Variants in KASH5 observed in about 807,000 individuals in gnomAD.
The protein encoded by KASH5 is KASH domain containing 5.
A neutral mutation model predicts 84.2 loss-of-function variants in KASH5; 72 were observed. The observed-to-expected ratio is 0.85, with a 90% CI of 0.71 to 1.04. The LOEUF (loss-of-function observed/expected upper bound fraction) is 1.04. Ranked by LOEUF, KASH5 falls within the 50% of genes least tolerant of loss-of-function variation. The pLI is 0.00. For synonymous variants in KASH5, 260 were observed against 279.1 expected (o/e 0.93, Z 0.68); for missense variants, 650 against 701.0 (o/e 0.93, Z 0.82).
chr19:49,413,078 G>A, intron 16 of KASH5, 52 bp downstream of exon 16: 1 of 1,552,752 alleles, frequency 6.4e-7, no homozygotes, highest in East Asian at 2.2e-5. Flanking sequence ...ATTCACAGCT[G>A]TTTACAGTAG....
chr19:49,416,971 G>T lies in KASH5; in HGVS notation c.1375-44G>T, dbSNP rs1298473785. On this transcript the variant is annotated intron_variant, in intron 17 of 19. Coordinates refer to ENST00000447857, the MANE Select transcript of KASH5 (RefSeq NM_144688.5). This position sits in a 1 kb window ranked among gnomAD's most constrained non-coding sequence, Gnocchi z 5.4. ...AGTGGGCTGACCTGAGCACCTCTCA[G>T]TCCAGAACCCGGTGCCTCCAACGCA... The T allele has an allele frequency of 4.5e-6, 7 of 1,550,802 alleles. No individual in the cohort carries two copies. Among genetic ancestry groups the T allele is most frequent in the Middle Eastern group, 2.3e-4 (1 of 4,392 alleles).
At chr19:49,407,195 G>T (rs1276433243) in intron 10 of KASH5, 45 bp from the exon 11 acceptor site, 1 of 1,602,846 alleles carries the variant, frequency 6.2e-7, no homozygotes, top group East Asian at 2.2e-5. Context: ...GGACCAAGGG[G>T]AGTCCTGGGA....
At chr19:49,396,243 C>CTTTTTTGTT (rs1974174461) in intron 5 of KASH5, among the ~76,000 whole-genome samples, 1 of 35,880 alleles carries the variant, frequency 2.8e-5, no homozygotes, top group African/African-American at 7.1e-5. Flanking sequence ...CCCTGCTGGA[C>CTTTTTTGTT]TTTTTTTTTT....
intron 5 of KASH5, among the ~76,000 whole-genome samples, chr19:49,396,474 G>A (rs747169128): frequency 3.3e-5 from 5 of 152,108 alleles, no homozygotes; most frequent in Non-Finnish European, 7.4e-5. Context: ...GGCTGGTCTC[G>A]AACTCCCGAC....
chr19:49,394,928 T>C, intron 3 of KASH5, 178 bp from the exon 4 acceptor site: 1 of 597,394 alleles, frequency 1.7e-6, no homozygotes, highest in South Asian at 2.1e-5. Flanking sequence ...GGGCCCCATT[T>C]CCAGGTGAAA....
In KASH5 at chr19:49,390,853, G is replaced by T; in HGVS notation, c.-31G>T. ...ATGAAGGAGGGAGGCTGGTAGCTTT[G>T]CCAGCAGCTGCGCCGCGGCAGGGGT... On this transcript the variant is annotated 5_prime_UTR_variant, in exon 2 of 20. Coordinates refer to ENST00000447857, the MANE Select transcript of KASH5 (RefSeq NM_144688.5). The T allele has an allele frequency of 6.3e-7, 1 of 1,580,868 alleles. No homozygotes were observed. Among genetic ancestry groups the T allele is most frequent in the African/African-American group, 1.4e-5 (1 of 72,784 alleles).
chr19:49,410,391 C>T (rs1034365587), intron 15 of KASH5, among the ~76,000 whole-genome samples: 1 of 151,768 alleles, frequency 6.6e-6, no homozygotes, highest in African/African-American at 2.4e-5. Flanking sequence ...CTGGAGTGAA[C>T]TTGACTCACT....
At chr19:49,397,421 G>T (rs1288236511) in intron 5 of KASH5, among the ~76,000 whole-genome samples, 1 of 152,134 alleles carries the variant, frequency 6.6e-6, no homozygotes, top group East Asian at 1.9e-4. Flanking sequence ...CCAGTGTTGG[G>T]TGTAAAGAAT....
At chr19:49,409,078 G>A in intron 13 of KASH5, 47 bp downstream of exon 13, 1 of 1,580,092 alleles carries the variant, frequency 6.3e-7, no homozygotes, top group Non-Finnish European at 8.6e-7. Flanking sequence ...GGGAGCCTAA[G>A]GGCAGGGACA....
chr19:49,397,546 C>T (rs1974219847), intron 5 of KASH5, 105 bp from the exon 6 acceptor site: 12 of 969,348 alleles, frequency 1.2e-5, no homozygotes, highest in Non-Finnish European at 1.8e-5. Context: ...TTCTCCAGAG[C>T]ACAGGTGAGG....
intron 15 of KASH5, among the ~76,000 whole-genome samples, chr19:49,410,135 G>A (rs577558710): frequency 1.3e-5 from 2 of 152,144 alleles, no homozygotes; most frequent in South Asian, 4.1e-4. Context: ...TTTTATTGTT[G>A]GTTTGTTTTT....
At chr19:49,407,703 C>T (rs1251690486) in intron 12 of KASH5, 32 bp downstream of exon 12, 16 of 1,575,666 alleles carry the variant, frequency 1.0e-5, no homozygotes, top group African/African-American at 1.4e-5. Context: ...CCCACCGCGG[C>T]CCTCGCCACT....
chr19:49,397,681 T>C lies in KASH5; in HGVS notation c.431T>C (p.Leu144Pro). The C allele has an allele frequency of 1.2e-6, 2 of 1,613,818 alleles. No individual in the cohort carries two copies. The highest frequency in any genetic ancestry group is 1.7e-6 in the Non-Finnish European group (2 of 1,179,836). ...GCPEAEEPAN[L>P]ESFGGEDPRP... The stretch of plus-strand genomic sequence containing the variant: ...CCAGAAGCTGAGGAGCCAGCCAACC[T>C]GGAGAGCTTCGGAGGCGAAGACCCC... The change falls in exon 6 of 20, where the codon CTG becomes CCG. Residue 144 changes from leucine (L) to proline (P), a missense_variant. Coordinates refer to ENST00000447857, the MANE Select transcript of KASH5 (RefSeq NM_144688.5).
At position 49,395,619 on chromosome 19, in the gene KASH5, C is replaced by T. The variant is rs1400686404; in HGVS notation, c.336-150C>T. On this transcript the variant is annotated intron_variant, in intron 4 of 19. Coordinates refer to ENST00000447857, the MANE Select transcript of KASH5 (RefSeq NM_144688.5). The surrounding 1 kb of genome is among the most constrained non-coding windows in gnomAD (Gnocchi z 4.4). ...TCCTGCTTTTCCATCTGGCCACGGG[C>T]ACTTGCCATCTGGCCTCACCCTCCT... 1.3e-6 allele frequency: 1 copy of T among 753,046 alleles called. No homozygotes were observed. Among genetic ancestry groups the T allele is most frequent in the Non-Finnish European group, 2.2e-6 (1 of 456,928 alleles). 46.6% of individuals were successfully genotyped at this position (753,046 alleles called of 1,614,324 possible). A position where few individuals can be genotyped will look rare whatever the true frequency, so the allele number is the denominator to read the frequency against.
At chr19:49,403,093 C>T (rs1036373238) in intron 9 of KASH5, among the ~76,000 whole-genome samples, 4 of 152,166 alleles carry the variant, frequency 2.6e-5, no homozygotes, top group Non-Finnish European at 4.4e-5. Context: ...CGCGGTGGCT[C>T]ACACCTGTAA....
intron 2 of KASH5, chr19:49,391,636 G>A (rs1974008151): frequency 6.6e-6 from 1 of 151,270 alleles, no homozygotes; most frequent in South Asian, 2.1e-4. Flanking sequence ...AAGATCTAGC[G>A]TGTACTTTAC....
Position 49,398,543 on chromosome 19 carries a change from A to T in KASH5, c.629+400A>T, listed in dbSNP as rs150911263. ...CACCCTGCTTGGCTAATTTTGTTTTATTTTTTATAGAAATGAGTTCTCACT... is the reference window on the plus strand; with the variant it reads ...CACCCTGCTTGGCTAATTTTGTTTTTTTTTTTATAGAAATGAGTTCTCACT... On this transcript the variant is annotated intron_variant, in intron 7 of 19. Coordinates refer to ENST00000447857, the MANE Select transcript of KASH5 (RefSeq NM_144688.5). Among the ~76,000 whole-genome samples the T allele has an allele frequency of 1.3e-4, 19 of 151,456 alleles. No individual in the cohort carries two copies. The East Asian group carries it at 3.5e-3, about 28-fold the overall frequency.
At chr19:49,407,946 T>A (rs572214657) in intron 12 of KASH5, among the ~76,000 whole-genome samples, 79 of 152,264 alleles carry the variant, frequency 5.2e-4, no homozygotes, top group African/African-American at 1.9e-3. Flanking sequence ...AGACGGAGTC[T>A]TGCTCTGTCG....
At chr19:49,398,213 A>G (rs1310790315) in intron 7 of KASH5, 70 bp downstream of exon 7, 2 of 1,390,016 alleles carry the variant, frequency 1.4e-6, no homozygotes, top group Non-Finnish European at 1.9e-6. Context: ...GCCGGCCTCT[A>G]TCTCCCATGC....
Sources: allele counts gnomAD v4.1 joint callset (sites outside exome capture counted in the v4.1 genomes callset), GRCh38; gene constraint gnomAD v4.1.1; non-coding constraint Gnocchi (gnomAD v3.1); transcripts MANE v1.5; gene names NCBI Gene and HGNC (gene_info 2026-07-23, HGNC 2026-07-21).